The following GRM8 variants were observed in gnomAD, a reference collection of about 807,000 sequenced individuals.
GRM8 encodes glutamate metabotropic receptor 8.
Under a neutral mutation model 87.2 loss-of-function variants are expected in GRM8, and 47 were observed. The ratio of observed to expected loss-of-function variants is 0.54; its 90% confidence interval spans 0.43 to 0.69. The LOEUF is 0.69. Among genes scored for constraint, GRM8 ranks in the 30% least tolerant of loss-of-function variants. GRM8 has a pLI of 0.00. For synonymous variants in GRM8, 396 were observed against 404.5 expected, an observed-to-expected ratio of 0.98 and a Z score of 0.25; for missense variants, 1,019 against 1,139.2, an observed-to-expected ratio of 0.89 and a Z score of 1.52.
At chr7:126,626,898 T>G (rs774126613) in intron 7 of GRM8, among the ~76,000 whole-genome samples, 37 of 152,266 alleles carry the variant, frequency 2.4e-4, no homozygotes, top group Non-Finnish European at 3.7e-4. Flanking sequence ...ATAATTTCCA[T>G]GAACAACACT....
intron 2 of GRM8, among the ~76,000 whole-genome samples, chr7:127,135,338 A>T (rs1827890927): frequency 6.6e-6 from 1 of 152,168 alleles, no homozygotes; most frequent in African/African-American, 2.4e-5. Flanking sequence ...AAGCAGGTGT[A>T]CAGAAATCTA....
intron 9 of GRM8, among the ~76,000 whole-genome samples, chr7:126,528,617 T>TGTGTGTGTGTGTGG (rs1814298207): frequency 4.5e-5 from 1 of 22,112 alleles, no homozygotes; most frequent in Admixed American, 3.2e-4. Flanking sequence ...AAAGAAGTTG[T>TGTGTGTGTGTGTGG]GTGTGTGTGT....
intron 8 of GRM8, among the ~76,000 whole-genome samples, chr7:126,576,341 G>A (rs1257148929): frequency 2.0e-5 from 3 of 151,982 alleles, no homozygotes; most frequent in Non-Finnish European, 4.4e-5. Flanking sequence ...GGAGTGCAGC[G>A]ATGTGATCTC....
intron 3 of GRM8, among the ~76,000 whole-genome samples, chr7:126,911,678 G>T (rs1266238894): frequency 6.6e-6 from 1 of 152,190 alleles, no homozygotes. Context: ...GGGAAGCAGA[G>T]AAATCCAGGC....
Position 127,194,607 on chromosome 7 carries a change from G to GA in GRM8, c.510+48087dup, listed in dbSNP as rs535266268. Among the ~76,000 whole-genome samples, 325 of 152,166 alleles carry GA rather than the reference G, an allele frequency of 2.1e-3. 1 individual carries two copies. The highest frequency in any genetic ancestry group is 6.2e-3 in the African/African-American group (257 of 41,532). ...AAATTAAGAAAATAAATAATACTTGGAAAATGGCCCCATTCCAACAAAACC... is the reference window on the plus strand; with the variant it reads ...AAATTAAGAAAATAAATAATACTTGGAAAAATGGCCCCATTCCAACAAAACC... On this transcript the variant is annotated intron_variant, in intron 2 of 10. Coordinates refer to ENST00000339582, the MANE Select transcript of GRM8 (RefSeq NM_000845.3).
At chr7:127,246,898 TG>T (rs1161391039) in intron 1 of GRM8, among the ~76,000 whole-genome samples, 2 of 152,222 alleles carry the variant, frequency 1.3e-5, no homozygotes, top group Non-Finnish European at 2.9e-5. Context: ...GGATTGAATA[TG>T]GCCCCAACCC....
chr7:127,105,936 T>C (rs1233496607), intron 3 of GRM8, among the ~76,000 whole-genome samples: 2 of 152,070 alleles, frequency 1.3e-5, no homozygotes, highest in African/African-American at 4.8e-5. Context: ...AGCAGCACCT[T>C]GTTGTAAACA....
chr7:127,054,463 GTTATTAGTCTGT>G (rs1258664106), intron 3 of GRM8, among the ~76,000 whole-genome samples: 1 of 152,130 alleles, frequency 6.6e-6, no homozygotes, highest in Non-Finnish European at 1.5e-5. Flanking sequence ...CTTTGAGGGG[GTTATTAGTCTGT>G]TTGGTTATAA....
At chr7:126,762,507 A>T (rs181594686) in intron 7 of GRM8, among the ~76,000 whole-genome samples, 18 of 152,178 alleles carry the variant, frequency 1.2e-4, no homozygotes, top group African/African-American at 3.6e-4. Context: ...AAACAAAGAC[A>T]TTTCTTGTTT....
At chr7:126,577,726 C>G (rs993783481) in intron 8 of GRM8, among the ~76,000 whole-genome samples, 1 of 152,130 alleles carries the variant, frequency 6.6e-6, no homozygotes, top group Non-Finnish European at 1.5e-5. Context: ...AGATAAATCT[C>G]TATGTAACCC....
At chr7:127,105,870 T>C (rs1031784969) in intron 3 of GRM8, among the ~76,000 whole-genome samples, 9 of 152,172 alleles carry the variant, frequency 5.9e-5, no homozygotes, top group African/African-American at 1.9e-4. Flanking sequence ...TACAAGATGG[T>C]AAAATGCCTA....
At chr7:126,844,342 A>G (rs1183503978) in intron 6 of GRM8, among the ~76,000 whole-genome samples, 1 of 152,166 alleles carries the variant, frequency 6.6e-6, no homozygotes. Flanking sequence ...TGTATTTTTA[A>G]CAAGCATTCT....
chr7:126,956,663 A>G (rs1016221671), intron 3 of GRM8, among the ~76,000 whole-genome samples: 2 of 152,180 alleles, frequency 1.3e-5, no homozygotes, highest in African/African-American at 4.8e-5. Flanking sequence ...AGAGAACTGA[A>G]GAGGCTACAA....
At chr7:126,801,091 T>C (rs368897278) in intron 6 of GRM8, among the ~76,000 whole-genome samples, 7 of 152,118 alleles carry the variant, frequency 4.6e-5, no homozygotes, top group Admixed American at 2.0e-4. Flanking sequence ...TCAACCAATA[T>C]GCATACGAAA....
intron 7 of GRM8, among the ~76,000 whole-genome samples, chr7:126,703,032 A>G (rs1381564960): frequency 6.6e-6 from 1 of 152,166 alleles, no homozygotes; most frequent in Admixed American, 6.6e-5. Context: ...AATGCGGAAA[A>G]TGAGACACTG....
intron 6 of GRM8, among the ~76,000 whole-genome samples, chr7:126,776,992 C>G (rs890483562): frequency 1.3e-5 from 2 of 152,100 alleles, no homozygotes; most frequent in African/African-American, 4.8e-5. Flanking sequence ...TATGAAGTAT[C>G]CTGTAACTGG....
At chr7:127,145,656 A>G (rs1828516148) in intron 2 of GRM8, among the ~76,000 whole-genome samples, 1 of 152,146 alleles carries the variant, frequency 6.6e-6, no homozygotes, top group Non-Finnish European at 1.5e-5. Flanking sequence ...ATTTTTGAAA[A>G]TAAATATGGG....
intron 3 of GRM8, among the ~76,000 whole-genome samples, chr7:127,065,284 C>T (rs891108729): frequency 1.3e-5 from 2 of 152,132 alleles, no homozygotes; most frequent in Admixed American, 1.3e-4. Context: ...AACCAAATAC[C>T]ACATGTTCTC....
At chr7:126,572,142 A>G (rs1794741571) in intron 8 of GRM8, among the ~76,000 whole-genome samples, 9 of 152,220 alleles carry the variant, frequency 5.9e-5, no homozygotes, top group Admixed American at 5.2e-4. Flanking sequence ...CCAAAGAAGG[A>G]AAATGAACTT....
Sources: gnomAD v4.1 joint callset for allele counts (sites outside exome capture counted in the v4.1 genomes callset) on GRCh38, gnomAD v4.1.1 for gene constraint, MANE v1.5 for transcripts, NCBI Gene and HGNC (gene_info 2026-07-23, HGNC 2026-07-21) for gene names.